Variants in HLTF observed in about 807,000 individuals in gnomAD.
The protein encoded by HLTF is DNA-dependent ATPase/E3 ubiquitin-protein ligase HLTF.
Under a neutral mutation model 129.4 loss-of-function variants are expected in HLTF, and 127 were observed. The ratio of observed to expected loss-of-function variants is 0.98; its 90% CI spans 0.85 to 1.14. The LOEUF (loss-of-function observed/expected upper bound fraction) is 1.14, where lower values mean the gene tolerates loss of function less well. Ranked by LOEUF, HLTF falls within the 50% of genes most tolerant of loss-of-function variation. The pLI, the probability that HLTF is intolerant of heterozygous loss-of-function variation, is 0.00. For synonymous variants in HLTF, 332 were observed against 388.8 expected, an observed-to-expected ratio of 0.85 and a Z score of 1.72; for missense variants, 1,139 against 1,187.1, an observed-to-expected ratio of 0.96 and a Z score of 0.60.
At chr3:149,073,110 T>G (rs1056489880) in intron 5 of HLTF, 115 bp downstream of exon 5, 1 of 511,036 alleles carries the variant, frequency 2.0e-6, no homozygotes, top group Non-Finnish European at 3.5e-6. Context: ...CATTATAACT[T>G]AATATATTTG....
At chr3:149,058,853 G>A (rs1717688357) in intron 13 of HLTF, among the ~76,000 whole-genome samples, 1 of 152,210 alleles carries the variant, frequency 6.6e-6, no homozygotes, top group Non-Finnish European at 1.5e-5. Context: ...CTATGCATCT[G>A]CAACTGAAAG....
intron 14 of HLTF, among the ~76,000 whole-genome samples, chr3:149,050,650 G>C (rs932158377): frequency 5.9e-5 from 9 of 152,244 alleles, no homozygotes; most frequent in Admixed American, 5.2e-4. Context: ...ACAATAATGA[G>C]TTTTATAAAA....
chr3:149,041,522 G>T lies in HLTF; in HGVS notation c.2344C>A (p.Pro782Thr), dbSNP rs764134229. ...ITHCAHVFCK[P>T]CICQVIQNEQ... Reference sequence around the variant, plus strand: ...TTCTGAATGACTTGGCAAATACAGGGTTTACAAAATACATGTGCACAATGT... The same window carrying T: ...TTCTGAATGACTTGGCAAATACAGGTTTTACAAAATACATGTGCACAATGT... Residue 782 changes from proline (P) to threonine (T), a missense_variant, in exon 20 of 25, where the codon CCC (proline) becomes ACC (threonine). Coordinates refer to ENST00000310053, the MANE Select transcript of HLTF (RefSeq NM_003071.4). 1.2e-6 allele frequency: 2 copies of T among 1,613,082 alleles called. No individual in the cohort carries two copies. Among genetic ancestry groups the T allele is most frequent in the South Asian group, 1.1e-5 (1 of 90,974 alleles).
At chr3:149,059,908 T>C (rs534749653) in intron 12 of HLTF, 101 bp from the exon 13 acceptor site, 37 of 733,020 alleles carry the variant, frequency 5.0e-5, no homozygotes, top group African/African-American at 4.5e-4. Flanking sequence ...ATTTTCACCC[T>C]CTATTGTAAG....
In HLTF at chr3:149,039,221, C is replaced by T. The variant is rs756920042; in HGVS notation, c.2624G>A (p.Gly875Glu). The part of the protein sequence containing the change: ...SLIEIPLKAS[G>E]FVFTRLDGSM... ...ACCATCCAAACGAGTAAACACAAAT[C>T]CAGAGGCTCTAAAGGGGGGAAGAAA... The change falls in exon 23 of 25, where the codon GGA becomes GAA. Residue 875 changes from glycine to glutamate, a missense_variant. Transcript: ENST00000310053. 3.2e-6 allele frequency: 5 copies of T among 1,556,944 alleles called. No homozygotes were observed. In the East Asian group the frequency reaches 1.2e-4, roughly 36 times the overall value.
intron 10 of HLTF, chr3:149,063,094 C>CT (rs1219255114): frequency 6.5e-6 from 3 of 460,088 alleles, no homozygotes; most frequent in Non-Finnish European, 1.3e-5. Context: ...GAGTCTCACT[C>CT]TGTCACCCAG....
chr3:149,033,119 C>CT (rs1715274757), intron 24 of HLTF, among the ~76,000 whole-genome samples: 1 of 152,010 alleles, frequency 6.6e-6, no homozygotes, highest in South Asian at 2.1e-4. Context: ...ATGTCTCAAC[C>CT]TTACATATTT....
intron 2 of HLTF, chr3:149,083,585 T>C (rs932944088): frequency 6.6e-6 from 1 of 151,916 alleles, no homozygotes; most frequent in African/African-American, 2.4e-5. Context: ...AGCCAGAGAA[T>C]ATATAGATGT....
intron 9 of HLTF, among the ~76,000 whole-genome samples, chr3:149,063,874 T>C (rs73866945): frequency 0.071 from 10,830 of 152,182 alleles, 460 homozygotes; most frequent in South Asian, 0.15. Flanking sequence ...AAATCTCAGA[T>C]GTCACCTTGT....
At chr3:149,084,241 G>C (rs1283913251) in intron 2 of HLTF, among the ~76,000 whole-genome samples, 2 of 152,136 alleles carry the variant, frequency 1.3e-5, no homozygotes, top group South Asian at 4.1e-4. Flanking sequence ...AGGAAATACA[G>C]GAGAAAAACA....
intron 18 of HLTF, 80 bp from the exon 19 acceptor site, chr3:149,042,370 C>G: frequency 8.7e-7 from 1 of 1,144,904 alleles, no homozygotes; most frequent in Non-Finnish European, 1.2e-6. Context: ...AGTAAAATGG[C>G]ATTTTTCTTT....
chr3:149,064,791 C>T lies in HLTF; in HGVS notation c.1066G>A (p.Asp356Asn), dbSNP rs752107703. 6.5e-7 allele frequency: 1 copy of T among 1,545,964 alleles called. No homozygotes were observed. The highest frequency in any genetic ancestry group is 1.1e-5 in the South Asian group (1 of 89,460). Residue 356 changes from aspartate (D) to asparagine (N), a missense_variant and splice_region_variant, in exon 9 of 25, where the codon GAC becomes AAC. Asp to Asn is a conservative substitution (Grantham distance 23). Coordinates refer to ENST00000310053, the MANE Select transcript of HLTF (RefSeq NM_003071.4). ...TSEKADGLSK[D>N]ASRCSEQPSI... Reference sequence around the variant, plus strand: ...GGATCATTTCAAAATTAGCATTTACCTTTGCTTAGTCCATCTGCCTTTTCA... The same window carrying T: ...GGATCATTTCAAAATTAGCATTTACTTTTGCTTAGTCCATCTGCCTTTTCA...
chr3:149,068,174 G>T, intron 8 of HLTF, 66 bp downstream of exon 8: 1 of 661,258 alleles, frequency 1.5e-6, no homozygotes, highest in Non-Finnish European at 2.6e-6. Flanking sequence ...TTTTTTTAAT[G>T]ATGAAATTTA....
At chr3:149,080,568 G>A (rs1022889644) in intron 2 of HLTF, among the ~76,000 whole-genome samples, 2 of 151,862 alleles carry the variant, frequency 1.3e-5, no homozygotes, top group Non-Finnish European at 2.9e-5. Context: ...TTTTTAAACC[G>A]GATTATGCAA....
At position 149,030,859 on chromosome 3, in the gene HLTF, T is replaced by TGAGA. The variant is rs552276505; in HGVS notation, c.*1357_*1360dup. On this transcript the variant is annotated 3_prime_UTR_variant, in exon 25 of 25. Coordinates refer to ENST00000310053, the MANE Select transcript of HLTF (RefSeq NM_003071.4). ...CACAGGGAGAAAAGGACTTATCTGG[T>TGAGA]GAGAGATTTGGCATATACCTTCAAT... is the stretch of plus-strand genomic sequence containing the variant. 1.3e-5 allele frequency: 2 copies of TGAGA among 152,184 alleles called. No individual in the cohort carries two copies. Among genetic ancestry groups the TGAGA allele is most frequent in the Non-Finnish European group, 2.9e-5 (2 of 68,018 alleles). The allele number at this position is 152,184 out of a possible 1,614,324, so 9.4% of individuals were successfully genotyped here. A position where few individuals can be genotyped will look rare whatever the true frequency, so the allele number is the denominator to read the frequency against.
chr3:149,081,740 G>T (rs1180880253), intron 2 of HLTF, among the ~76,000 whole-genome samples: 1 of 152,028 alleles, frequency 6.6e-6, no homozygotes, highest in African/African-American at 2.4e-5. Context: ...AGAGTAAAGG[G>T]TACTGAAATT....
chr3:149,066,325 A>G (rs540832248), intron 8 of HLTF, among the ~76,000 whole-genome samples: 2 of 152,062 alleles, frequency 1.3e-5, no homozygotes, highest in Admixed American at 6.6e-5. Context: ...GGATTACAGG[A>G]ATGAGTCACT....
intron 15 of HLTF, 84 bp downstream of exon 15, chr3:149,050,148 T>G: frequency 1.3e-6 from 1 of 781,626 alleles, no homozygotes; most frequent in African/African-American, 1.8e-5. Flanking sequence ...GTATAAAGCC[T>G]GAATTTTGGA....
chr3:149,077,283 TAAATAA>T (rs1719458649), intron 2 of HLTF, among the ~76,000 whole-genome samples: 4 of 149,816 alleles, frequency 2.7e-5, no homozygotes, highest in African/African-American at 9.9e-5. Context: ...AATAAATAAA[TAAATAA>T]ATAAAAATAA....
Sources: gnomAD v4.1 joint callset for allele counts (sites outside exome capture counted in the v4.1 genomes callset) on GRCh38, gnomAD v4.1.1 for gene constraint, MANE v1.5 for transcripts, NCBI Gene and HGNC (gene_info 2026-07-23, HGNC 2026-07-21) for gene names.